TMBIM1: variants seen among roughly 807,000 people sequenced by gnomAD.
TMBIM1 encodes the protein protein lifeguard 3.
A neutral mutation model predicts 45.1 loss-of-function variants in TMBIM1; 34 were observed. That is an observed-to-expected ratio of 0.75 (90% CI 0.57 to 1.00). The LOEUF (loss-of-function observed/expected upper bound fraction) is 1.00. TMBIM1 is among the 50% of genes least tolerant of loss of function. The pLI is 0.00. For missense variants in TMBIM1, 374 were observed against 402.4 expected (o/e 0.93, Z 0.60); for synonymous variants, 157 against 153.5 (o/e 1.02, Z -0.17).
intron 1 of TMBIM1, among the ~76,000 whole-genome samples, chr2:218,284,809 G>T (rs946259550): frequency 8.5e-5 from 13 of 152,228 alleles, no homozygotes; most frequent in African/African-American, 3.1e-4. Flanking sequence ...ACACATAGAA[G>T]GCTGGGCACA....
rs1459565185 is a variant in TMBIM1, at chr2:218,277,379, C to G, written c.626G>C (p.Cys209Ser). Residue 209 changes from cysteine to serine, a missense_variant, in exon 9 of 12, where the codon TGC (cysteine) becomes TCC (serine). Transcript: ENST00000258412. ...CCATGCCCTCACCTTGGTCTGAAAGCAGAAGATGGTGACTGAAATGGATAC... is the reference window on the plus strand; with the variant it reads ...CCATGCCCTCACCTTGGTCTGAAAGGAGAAGATGGTGACTGAAATGGATAC... ...AVVSISVTIF[C>S]FQTKVDFTSC... is the part of the protein sequence containing the mutation. 6.2e-7 allele frequency: 1 copy of G among 1,614,014 alleles called. No individual in the cohort carries two copies. Among genetic ancestry groups the G allele is most frequent in the African/African-American group, 1.3e-5 (1 of 74,924 alleles).
Position 218,290,084 on chromosome 2 carries a change from G to A in TMBIM1, c.-41+2382C>T, listed in dbSNP as rs370078037. On this transcript the variant is annotated intron_variant, in intron 1 of 11. Coordinates refer to ENST00000258412, the MANE Select transcript of TMBIM1 (RefSeq NM_022152.6). ...GGACTTGTTTATGGGAGCCACAGTG[G>A]AGAAACAGAATCACCTAGCCAGGCA... 4 of 152,284 alleles carry A rather than the reference G, an allele frequency of 2.6e-5. No homozygotes were observed. The East Asian group carries it at 7.7e-4, about 29-fold the overall frequency. The allele number at this position is 152,284 out of a possible 1,614,324, so 9.4% of individuals were successfully genotyped here. A position where few individuals can be genotyped will look rare whatever the true frequency, so the allele number is the denominator to read the frequency against.
intron 9 of TMBIM1, 31 bp downstream of exon 9, chr2:218,277,335 G>C (rs763639182): frequency 6.3e-7 from 1 of 1,598,770 alleles, no homozygotes; most frequent in Non-Finnish European, 8.6e-7. Flanking sequence ...GGGGAGTCGG[G>C]GGGCCAGGGA....
At chr2:218,288,138 T>G (rs1042321860) in intron 1 of TMBIM1, among the ~76,000 whole-genome samples, 3 of 152,060 alleles carry the variant, frequency 2.0e-5, no homozygotes, top group African/African-American at 7.2e-5. Context: ...AAAAAAGAAC[T>G]AGGGAAGGGG....
chr2:218,282,125 G>A lies in TMBIM1; in HGVS notation c.17C>T (p.Ala6Val). The A allele has an allele frequency of 6.6e-7, 1 of 1,518,438 alleles. No individual in the cohort carries two copies. The highest frequency in any genetic ancestry group is 8.8e-7 in the Non-Finnish European group (1 of 1,134,512). 94.1% of individuals were successfully genotyped at this position (1,518,438 alleles called of 1,614,324 possible). The change falls in exon 2 of 12, where the codon GCC (alanine) becomes GTC (valine). Residue 6 changes from alanine to valine, a missense_variant. Ala to Val is a moderately conservative substitution (Grantham distance 64). Coordinates refer to ENST00000258412, the MANE Select transcript of TMBIM1 (RefSeq NM_022152.6). ...GTTGCGGTCTTCATATGGTGGTGGG[G>A]CGCTGGGGTTGGACATGGCTGCTCA... MSNPS[A>V]PPPYEDRNPL... is the part of the protein sequence containing the mutation.
At chr2:218,283,698 TATCTC>T (rs1425318649) in intron 1 of TMBIM1, among the ~76,000 whole-genome samples, 2 of 152,202 alleles carry the variant, frequency 1.3e-5, no homozygotes, top group Non-Finnish European at 2.9e-5. Context: ...AGGACTGTCT[TATCTC>T]TTCTCTTTTA....
intron 2 of TMBIM1, 122 bp downstream of exon 2, chr2:218,281,818 C>G (rs968037584): frequency 1.7e-5 from 15 of 872,208 alleles, no homozygotes; most frequent in Non-Finnish European, 2.7e-5. Context: ...GAGATCTCAA[C>G]AGAGAAGATG....
At position 218,275,220 on chromosome 2, in the gene TMBIM1, G is replaced by A. The variant is rs1002727986; in HGVS notation, c.*255C>T. 96 of 373,430 alleles carry A rather than the reference G, an allele frequency of 2.6e-4. 1 individual carries two copies. Among genetic ancestry groups the A allele is most frequent in the African/African-American group, 1.1e-3 (55 of 48,088 alleles). The allele number at this position is 373,430 out of a possible 1,614,324, so 23.1% of individuals were successfully genotyped here. On this transcript the variant is annotated 3_prime_UTR_variant, in exon 12 of 12. Coordinates refer to ENST00000258412, the MANE Select transcript of TMBIM1 (RefSeq NM_022152.6). ...AATGTGGTGTCATACAGTAGGTGGC[G>A]GGGAGAAGACACATCTTCAGCCTAG...
chr2:218,277,731 G>A, intron 7 of TMBIM1, 61 bp from the exon 8 acceptor site: 1 of 1,607,340 alleles, frequency 6.2e-7, no homozygotes, highest in Admixed American at 1.7e-5. Flanking sequence ...AGGGTGCTGG[G>A]GGAGTGGCCA....
chr2:218,284,768 C>G (rs145294833), intron 1 of TMBIM1, among the ~76,000 whole-genome samples: 1 of 152,194 alleles, frequency 6.6e-6, no homozygotes, highest in Non-Finnish European at 1.5e-5. Context: ...GTACCCTCCA[C>G]GGGGTTGCTA....
rs369249600 is a variant in TMBIM1, at chr2:218,281,990, G to A, written c.152C>T (p.Ala51Val). ...GYPQPGYGHP[A>V]GYPQPMPPTH... ...GGGGGGCATGGGCTGTGGGTAGCCA[G>A]CAGGGTGACCGTAGCCAGGCTGCGG... Residue 51 changes from alanine to valine, a missense_variant, in exon 2 of 12, where the codon GCT becomes GTT. By Grantham distance (64) the Ala-to-Val change is moderately conservative. Transcript: ENST00000258412. The A allele has an allele frequency of 2.5e-6, 4 of 1,606,956 alleles. No homozygotes were observed. The highest frequency in any genetic ancestry group is 2.5e-6 in the Non-Finnish European group (3 of 1,177,782).
At chr2:218,290,920 A>G (rs1163044468) in intron 1 of TMBIM1, among the ~76,000 whole-genome samples, 4 of 152,326 alleles carry the variant, frequency 2.6e-5, no homozygotes, top group Non-Finnish European at 4.4e-5. Flanking sequence ...TTCTTCCCAG[A>G]GAATTGTATG....
At chr2:218,288,822 G>A (rs1490302918) in intron 1 of TMBIM1, among the ~76,000 whole-genome samples, 1 of 152,058 alleles carries the variant, frequency 6.6e-6, no homozygotes, top group African/African-American at 2.4e-5. Flanking sequence ...AGAAAAGGGA[G>A]GGAAGGAAAT....
intron 2 of TMBIM1, 90 bp downstream of exon 2, chr2:218,281,850 T>C: frequency 9.9e-7 from 1 of 1,011,802 alleles, no homozygotes; most frequent in Non-Finnish European, 1.5e-6. Context: ...TAAGGGAAAC[T>C]AGAAGAGAAA....
chr2:218,279,910 C>G (rs1391527652), intron 3 of TMBIM1, 116 bp downstream of exon 3: 2 of 789,388 alleles, frequency 2.5e-6, no homozygotes, highest in African/African-American at 1.7e-5. Context: ...CTAGAGAAGA[C>G]AGGCAGCCAG....
At chr2:218,277,829 G>A (rs1040052056) in intron 7 of TMBIM1, 106 bp downstream of exon 7, 8 of 1,557,588 alleles carry the variant, frequency 5.1e-6, no homozygotes, top group African/African-American at 1.4e-5. Context: ...CAGATAAGGT[G>A]GAGGAGACAG....
chr2:218,277,898 G>GC lies in TMBIM1; in HGVS notation c.513+36dup, dbSNP rs962684691. The GC allele has an allele frequency of 3.1e-6, 5 of 1,613,608 alleles. No homozygotes were observed. The African/African-American group carries it at 5.3e-5, about 17-fold the overall frequency. On this transcript the variant is annotated intron_variant, in intron 7 of 11. Transcript: ENST00000258412. Reference sequence around the variant, plus strand: ...TTCCCTGGGAGCAGTCTCCCTCACAGCATCTCCACACCCTCCTGCCACCCT... The same window carrying GC: ...TTCCCTGGGAGCAGTCTCCCTCACAGCCATCTCCACACCCTCCTGCCACCCT...
chr2:218,289,288 C>G (rs1294581766), intron 1 of TMBIM1, among the ~76,000 whole-genome samples: 2 of 152,154 alleles, frequency 1.3e-5, no homozygotes, highest in Non-Finnish European at 2.9e-5. Context: ...TTGGGACTCA[C>G]TCCACTGTGA....
chr2:218,287,625 G>A (rs1044249929), intron 1 of TMBIM1, among the ~76,000 whole-genome samples: 3 of 152,088 alleles, frequency 2.0e-5, no homozygotes, highest in African/African-American at 4.8e-5. Context: ...CAGGGGGATC[G>A]CTCGAACCCG....
Sources: allele counts gnomAD v4.1 joint callset (sites outside exome capture counted in the v4.1 genomes callset), GRCh38; gene constraint gnomAD v4.1.1; transcripts MANE v1.5; gene names NCBI Gene and HGNC (gene_info 2026-07-23, HGNC 2026-07-21).